Variants in RASGEF1A observed in about 807,000 individuals in gnomAD.
The protein encoded by RASGEF1A is RasGEF domain family member 1A, also known as ras-GEF domain-containing family member 1A.
RASGEF1A carries 18 observed loss-of-function variants against 56.4 expected under a neutral mutation model. The ratio of observed to expected loss-of-function variants is 0.32; its 90% CI spans 0.22 to 0.47. The LOEUF (loss-of-function observed/expected upper bound fraction) is 0.47. Among genes scored for constraint, RASGEF1A ranks in the 20% least tolerant of loss-of-function variants. RASGEF1A has a pLI of 1.00. For synonymous variants in RASGEF1A, 245 were observed against 242.6 expected (o/e 1.01, Z -0.09); for missense variants, 422 against 627.1 (o/e 0.67, Z 3.49).
At chr10:43,212,066 C>A (rs1391066619) in intron 1 of RASGEF1A, among the ~76,000 whole-genome samples, 1 of 152,176 alleles carries the variant, frequency 6.6e-6, no homozygotes, top group Non-Finnish European at 1.5e-5. Context: ...TGACCTAGGC[C>A]CTTAGGGCCA....
chr10:43,229,701 C>T (rs935252944), intron 1 of RASGEF1A: 3 of 1,428,230 alleles, frequency 2.1e-6, no homozygotes, highest in Admixed American at 2.8e-5. Context: ...CGGCGTCCAG[C>T]GAGCGGCGGC....
intron 1 of RASGEF1A, among the ~76,000 whole-genome samples, chr10:43,249,830 C>T (rs1329195938): frequency 6.6e-6 from 1 of 152,230 alleles, no homozygotes; most frequent in Non-Finnish European, 1.5e-5. Context: ...GCCCCCACCA[C>T]CGGCCCCCAC....
rs537528456 is a variant in RASGEF1A at position 43,246,159 on chromosome 10, T to C, written c.-7+20686A>G. On this transcript the variant is annotated intron_variant, in intron 1 of 12. Transcript: ENST00000395810. Reference sequence around the variant, plus strand: ...CTGAAAATAAAATTAAGAAAACAATTCAATTCGTAATAGCATCAAAGAGAA... The same window carrying C: ...CTGAAAATAAAATTAAGAAAACAATCCAATTCGTAATAGCATCAAAGAGAA... Among the ~76,000 whole-genome samples the C allele has an allele frequency of 3.3e-5, 5 of 152,222 alleles. No individual in the cohort carries two copies. In the South Asian group the frequency reaches 1.0e-3, roughly 32 times the overall value.
Position 43,200,201 on chromosome 10 carries a change from T to C in RASGEF1A, c.737A>G (p.Asp246Gly). 6.2e-7 allele frequency: 1 copy of C among 1,603,770 alleles called. No homozygotes were observed. Among genetic ancestry groups the C allele is most frequent in the Non-Finnish European group, 8.5e-7 (1 of 1,174,640 alleles). ...ACTTACCCTGTGGTTGTCCAAGGAG[T>C]CCATGTGGCTGACGATCTGCATCAA... ...EDLMQIVSHM[D>G]SLDNHRCRGD... Residue 246 changes from aspartate (D) to glycine (G), a missense_variant, in exon 6 of 13, where the codon GAC (aspartate) becomes GGC (glycine). Physicochemically the swap from Asp to Gly is moderately conservative, Grantham distance 94. Coordinates refer to ENST00000395810, the MANE Select transcript of RASGEF1A (RefSeq NM_145313.4).
intron 1 of RASGEF1A, among the ~76,000 whole-genome samples, chr10:43,260,986 C>T (rs1275145250): frequency 6.6e-6 from 1 of 152,200 alleles, no homozygotes; most frequent in Non-Finnish European, 1.5e-5. Context: ...TTTGTGCGGG[C>T]ATCTCCGAGC....
intron 1 of RASGEF1A, chr10:43,207,578 A>C (rs1840014835): frequency 1.0e-6 from 1 of 985,452 alleles, no homozygotes; most frequent in Admixed American, 6.2e-5. Flanking sequence ...ACGCAACCAA[A>C]GGCCCCACGA....
chr10:43,212,093 C>T (rs982440631), intron 1 of RASGEF1A, among the ~76,000 whole-genome samples: 11 of 152,182 alleles, frequency 7.2e-5, no homozygotes, highest in African/African-American at 1.7e-4. Flanking sequence ...CACACCACAC[C>T]GCCAGCCCTG....
At chr10:43,217,434 G>A (rs1040353326) in intron 1 of RASGEF1A, among the ~76,000 whole-genome samples, 5 of 152,216 alleles carry the variant, frequency 3.3e-5, no homozygotes, top group African/African-American at 7.2e-5. Context: ...CCGCCTCAGC[G>A]CCTCCATCCC....
At chr10:43,208,340 G>A in intron 1 of RASGEF1A, 1 of 986,022 alleles carries the variant, frequency 1.0e-6, no homozygotes, top group African/African-American at 1.7e-5. Context: ...CTCAGCCCCA[G>A]CCGATCCCCC....
At chr10:43,225,827 G>A (rs1360129608) in intron 1 of RASGEF1A, among the ~76,000 whole-genome samples, 1 of 152,190 alleles carries the variant, frequency 6.6e-6, no homozygotes, top group Non-Finnish European at 1.5e-5. Flanking sequence ...CCCCAGAGAA[G>A]TCATACTCAG....
rs757302851 is a variant in RASGEF1A, at chr10:43,199,089, C to T, written c.952+3G>A. 2 of 1,613,646 alleles carry T rather than the reference C, an allele frequency of 1.2e-6. No individual in the cohort carries two copies. Among genetic ancestry groups the T allele is most frequent in the Non-Finnish European group, 1.7e-6 (2 of 1,179,908 alleles). On this transcript the variant is annotated splice_donor_region_variant and intron_variant, in intron 8 of 12. Transcript: ENST00000395810. ...GCCCCACCCTGGGTGCCCAGTCACT[C>T]ACAGATGATGGCCATCATGGAGTTG...
intron 1 of RASGEF1A, among the ~76,000 whole-genome samples, chr10:43,241,067 C>T (rs1405000440): frequency 6.6e-6 from 1 of 152,112 alleles, no homozygotes; most frequent in Non-Finnish European, 1.5e-5. Context: ...ATAAGAACTA[C>T]TAAAGAGAGT....
chr10:43,248,016 T>G (rs1444295983), intron 1 of RASGEF1A, among the ~76,000 whole-genome samples: 1 of 147,390 alleles, frequency 6.8e-6, no homozygotes, highest in Non-Finnish European at 1.5e-5. Flanking sequence ...CTGAGCAATA[T>G]AGTAAGACCC....
chr10:43,251,186 A>G (rs1201924482), intron 1 of RASGEF1A, among the ~76,000 whole-genome samples: 8 of 152,080 alleles, frequency 5.3e-5, no homozygotes, highest in Non-Finnish European at 8.8e-5. Context: ...CTGCAACCCA[A>G]CCTCTGAGAC....
intron 1 of RASGEF1A, among the ~76,000 whole-genome samples, chr10:43,256,931 T>C (rs1836423312): frequency 6.6e-6 from 1 of 152,194 alleles, no homozygotes; most frequent in African/African-American, 2.4e-5. Context: ...CCAGGGTGGC[T>C]GCCTTCATCG....
At chr10:43,204,574 C>A (rs1839965645) in intron 2 of RASGEF1A, among the ~76,000 whole-genome samples, 1 of 152,236 alleles carries the variant, frequency 6.6e-6, no homozygotes, top group Admixed American at 6.5e-5. Context: ...AAGGGGAGAG[C>A]CTGTGCATCT....
intron 1 of RASGEF1A, among the ~76,000 whole-genome samples, chr10:43,231,877 T>C (rs1326687947): frequency 6.6e-6 from 1 of 152,206 alleles, no homozygotes; most frequent in East Asian, 1.9e-4. Context: ...CTTCAGAAAG[T>C]AGAGAAGAAG....
intron 1 of RASGEF1A, among the ~76,000 whole-genome samples, chr10:43,263,128 A>G (rs1254930959): frequency 6.6e-6 from 1 of 152,160 alleles, no homozygotes; most frequent in Non-Finnish European, 1.5e-5. Context: ...GAACCGGATC[A>G]GCACGGAGGA....
chr10:43,209,096 A>T (rs1840033234), intron 1 of RASGEF1A: 1 of 985,326 alleles, frequency 1.0e-6, no homozygotes, highest in African/African-American at 1.7e-5. Flanking sequence ...TGTGTATCTG[A>T]ACAGCTGTGT....
Sources: gnomAD v4.1 joint callset for allele counts (sites outside exome capture counted in the v4.1 genomes callset) on GRCh38, gnomAD v4.1.1 for gene constraint, MANE v1.5 for transcripts, NCBI Gene and HGNC (gene_info 2026-07-23, HGNC 2026-07-21) for gene names.